NEK4: variants seen among roughly 807,000 people sequenced by gnomAD.
NEK4 encodes the protein serine/threonine-protein kinase Nek4.
NEK4 carries 86 observed loss-of-function variants against 98.4 expected under a neutral mutation model. The observed-to-expected ratio is 0.87, with a 90% CI of 0.73 to 1.05. The LOEUF is 1.05. NEK4 is among the 50% of genes least tolerant of loss of function. NEK4 has a pLI of 0.00. For missense variants in NEK4, 898 were observed against 950.3 expected (o/e 0.94, Z 0.72); for synonymous variants, 328 against 342.2 (o/e 0.96, Z 0.46).
At chr3:52,736,057 G>A (rs2097375383) in intron 15 of NEK4, among the ~76,000 whole-genome samples, 1 of 152,154 alleles carries the variant, frequency 6.6e-6, no homozygotes, top group Non-Finnish European at 1.5e-5. Context: ...ACCCGACTAT[G>A]TCTTCCGTGG....
In NEK4 at chr3:52,770,196, C is replaced by A. The variant is rs561368207; in HGVS notation, c.93+458G>T. On this transcript the variant is annotated intron_variant, in intron 1 of 15. Coordinates refer to ENST00000233027, the MANE Select transcript of NEK4 (RefSeq NM_003157.6). The stretch of plus-strand genomic sequence containing the variant: ...AAGGTTTGGCGGGAAGAAAATGAGT[C>A]GAGTTTTAAGTGAATCCAGCAGTCT... 2.3e-3 allele frequency among the ~76,000 whole-genome samples: 345 copies of A among 152,028 alleles called. 1 individual carries two copies. The highest frequency in any genetic ancestry group is 7.7e-3 in the African/African-American group (321 of 41,462).
intron 15 of NEK4, among the ~76,000 whole-genome samples, chr3:52,727,330 G>A (rs960020854): frequency 1.3e-5 from 2 of 151,962 alleles, no homozygotes; most frequent in African/African-American, 4.8e-5. Flanking sequence ...AGTGCACATG[G>A]GTCATTCTCC....
At position 52,709,299 on chromosome 3, in the gene NEK4, T is replaced by C. The variant is rs1429543532; in HGVS notation, c.*2478A>G. 1 of 152,074 alleles carries C rather than the reference T, an allele frequency of 6.6e-6. No individual in the cohort carries two copies. Among genetic ancestry groups the C allele is most frequent in the Non-Finnish European group, 1.5e-5 (1 of 68,018 alleles). The allele number at this position is 152,074 out of a possible 1,614,324, so 9.4% of individuals were successfully genotyped here. On this transcript the variant is annotated 3_prime_UTR_variant, in exon 16 of 16. Coordinates refer to ENST00000233027, the MANE Select transcript of NEK4 (RefSeq NM_003157.6). ...GGAAGAAAATTCACAGTCTTAAAGA[T>C]GAGTTTTTAAATTAATTTAGGAAGA...
At chr3:52,715,553 AT>A (rs1052632872) in intron 15 of NEK4, among the ~76,000 whole-genome samples, 2 of 151,944 alleles carry the variant, frequency 1.3e-5, no homozygotes, top group African/African-American at 2.4e-5. Flanking sequence ...GGCCCAGCTA[AT>A]TTTTTTTGGT....
Position 52,737,865 on chromosome 3 carries a change from G to C in NEK4, c.2300-146C>G. ...GTCTTGCTCTGTCGCCCAGGCTGGA[G>C]TGCAGTGGCACGATCTCAGCTCACT... On this transcript the variant is annotated intron_variant, in intron 14 of 15. Transcript: ENST00000233027. 5.2e-6 allele frequency: 3 copies of C among 574,762 alleles called. No homozygotes were observed. The East Asian group carries it at 9.5e-5, about 18-fold the overall frequency. 35.6% of individuals were successfully genotyped at this position (574,762 alleles called of 1,614,324 possible). A position where few individuals can be genotyped will look rare whatever the true frequency, so the allele number is the denominator to read the frequency against.
In NEK4 at chr3:52,743,396, G is replaced by A; in HGVS notation, c.1960C>T (p.Pro654Ser). 1.2e-6 allele frequency: 2 copies of A among 1,614,152 alleles called. No individual in the cohort carries two copies. The highest frequency in any genetic ancestry group is 1.3e-5 in the African/African-American group (1 of 75,046). The change falls in exon 12 of 16, where the codon CCC (proline) becomes TCC (serine). Residue 654 changes from proline (P) to serine (S), a missense_variant. Physicochemically the swap from Pro to Ser is moderately conservative, Grantham distance 74. Coordinates refer to ENST00000233027, the MANE Select transcript of NEK4 (RefSeq NM_003157.6). ...GPGKPQEEDQPLPARRLSSDC... is the reference protein window; with the variant it reads ...GPGKPQEEDQSLPARRLSSDC... ...GAGGAGAGCCGTCGGGCAGGCAAGGGCTGGTCTTCTTCCTGGGGTTTTCCT... is the reference window on the plus strand; with the variant it reads ...GAGGAGAGCCGTCGGGCAGGCAAGGACTGGTCTTCTTCCTGGGGTTTTCCT...
chr3:52,752,135 T>G lies in NEK4; in HGVS notation c.1165A>C (p.Arg389=). 1 of 1,614,090 alleles carries G rather than the reference T, an allele frequency of 6.2e-7. No homozygotes were observed. Among genetic ancestry groups the G allele is most frequent in the Non-Finnish European group, 8.5e-7 (1 of 1,180,052 alleles). The change falls in exon 7 of 16, where the codon AGA becomes CGA. Residue 389 remains arginine, a synonymous_variant. Transcript: ENST00000233027. The stretch of plus-strand genomic sequence containing the variant: ...AACTCATTAGAGGCATCCAAATATC[T>G]TGGCTGATTCTCCTGAACAAAGCCA... ...SDGFVQENQP[R]YLDASNELGG... is the part of the protein sequence containing the mutation.
intron 15 of NEK4, among the ~76,000 whole-genome samples, chr3:52,725,371 C>T (rs1432682339): frequency 2.0e-5 from 3 of 151,828 alleles, no homozygotes; most frequent in Non-Finnish European, 4.4e-5. Context: ...AAAAATTAGC[C>T]AGGCATGGTG....
chr3:52,762,664 C>T (rs1334471062), intron 5 of NEK4, among the ~76,000 whole-genome samples: 5 of 152,068 alleles, frequency 3.3e-5, no homozygotes, highest in South Asian at 2.1e-4. Context: ...GGGCGGACCA[C>T]GAGGTCGGGA....
At chr3:52,723,054 A>C (rs2097361474) in intron 15 of NEK4, among the ~76,000 whole-genome samples, 1 of 152,014 alleles carries the variant, frequency 6.6e-6, no homozygotes, top group African/African-American at 2.4e-5. Flanking sequence ...AAAATTTTAA[A>C]ATTAGCTAAG....
At chr3:52,755,467 G>C (rs981680535) in intron 6 of NEK4, among the ~76,000 whole-genome samples, 1 of 151,364 alleles carries the variant, frequency 6.6e-6, no homozygotes, top group Admixed American at 6.6e-5. Flanking sequence ...ATGATTTTCA[G>C]GGCTGTGAAA....
At chr3:52,727,861 A>T (rs1451408675) in intron 15 of NEK4, among the ~76,000 whole-genome samples, 4 of 152,254 alleles carry the variant, frequency 2.6e-5, no homozygotes, top group Non-Finnish European at 5.9e-5. Flanking sequence ...AATAAAAAAC[A>T]ATATACTGAA....
At chr3:52,739,292 G>C in intron 14 of NEK4, 137 bp downstream of exon 14, 1 of 678,528 alleles carries the variant, frequency 1.5e-6, no homozygotes, top group South Asian at 1.7e-5. Flanking sequence ...CCAGCTACTT[G>C]GGAGGCTGAA....
In NEK4 at chr3:52,763,472, C is replaced by T. The variant is rs1274968345; in HGVS notation, c.819G>A (p.Lys273=). 6.2e-7 allele frequency: 1 copy of T among 1,612,766 alleles called. No individual in the cohort carries two copies. Among genetic ancestry groups the T allele is most frequent in the Non-Finnish European group, 8.5e-7 (1 of 1,179,448 alleles). ...RQISFFLEAT[K]IKTSKNNIKN... ...TATTTGCAAGGGAAGTATCTTACAT[C>T]TTTGTGGCCTCCAAAAAGAAGGAGA... The change falls in exon 5 of 16, where the codon AAG becomes AAA. Residue 273 remains lysine, a splice_region_variant and synonymous_variant. Transcript: ENST00000233027.
rs1295576857 is a variant in NEK4, at chr3:52,768,611, A to C, written c.94-7T>G. 1.9e-6 allele frequency: 3 copies of C among 1,612,448 alleles called. No homozygotes were observed. The highest frequency in any genetic ancestry group is 2.5e-6 in the Non-Finnish European group (3 of 1,178,928). On this transcript the variant is annotated splice_polypyrimidine_tract_variant and splice_region_variant and intron_variant, in intron 1 of 15. Coordinates refer to ENST00000233027, the MANE Select transcript of NEK4 (RefSeq NM_003157.6). Reference sequence around the variant, plus strand: ...TCAGTTTTTTGATGACATACTAAAAACAAACCATGTATTTTTACAATGTGC... The same window carrying C: ...TCAGTTTTTTGATGACATACTAAAACCAAACCATGTATTTTTACAATGTGC...
Position 52,739,518 on chromosome 3 carries a change from T to C in NEK4, c.2210A>G (p.Lys737Arg), listed in dbSNP as rs764243996. Reference sequence around the variant, plus strand: ...TGTGTCCCGATATTTCCGATGAAGTTTGAATTCTGACACTGGGTTTGCTAC... The same window carrying C: ...TGTGTCCCGATATTTCCGATGAAGTCTGAATTCTGACACTGGGTTTGCTAC... ...VPVANPVSEF[K>R]LHRKYRDTLI... Residue 737 changes from lysine (K) to arginine (R), a missense_variant, in exon 14 of 16, where the codon AAA becomes AGA. Coordinates refer to ENST00000233027, the MANE Select transcript of NEK4 (RefSeq NM_003157.6). 12 of 1,614,072 alleles carry C rather than the reference T, an allele frequency of 7.4e-6. No homozygotes were observed. In the African/African-American group the frequency reaches 1.5e-4, roughly 20 times the overall value.
At chr3:52,744,194 A>G (rs75321479) in intron 11 of NEK4, 45 bp downstream of exon 11, 25,676 of 1,407,022 alleles carry the variant, frequency 0.018, 298 homozygotes, top group South Asian at 0.035. Flanking sequence ...TCCACGAACC[A>G]TACCCCTAAC....
At chr3:52,730,580 T>A (rs1002698160) in intron 15 of NEK4, among the ~76,000 whole-genome samples, 3 of 152,226 alleles carry the variant, frequency 2.0e-5, no homozygotes, top group Admixed American at 6.5e-5. Context: ...CCTCTGTTCA[T>A]GAGAGATATT....
intron 1 of NEK4, 43 bp downstream of exon 1, chr3:52,770,611 T>A: frequency 1.4e-6 from 2 of 1,466,352 alleles, no homozygotes; most frequent in Non-Finnish European, 1.8e-6. Context: ...CTCGGCGCAC[T>A]TCTGCCCGCC....
Sources: gnomAD v4.1 joint callset for allele counts (sites outside exome capture counted in the v4.1 genomes callset) on GRCh38, gnomAD v4.1.1 for gene constraint, MANE v1.5 for transcripts, NCBI Gene and HGNC (gene_info 2026-07-23, HGNC 2026-07-21) for gene names.